The following PDE4D variants were observed in gnomAD, a reference collection of about 807,000 sequenced individuals.
PDE4D encodes 3',5'-cyclic-AMP phosphodiesterase 4D.
PDE4D carries 24 observed loss-of-function variants against 87.4 expected under a neutral mutation model. The ratio of observed to expected loss-of-function variants is 0.27; its 90% confidence interval spans 0.20 to 0.39. The LOEUF is 0.39. Ranked by LOEUF, PDE4D falls within the 10% of genes least tolerant of loss-of-function variation. PDE4D has a pLI of 1.00. For missense variants in PDE4D, 714 were observed against 1,041.0 expected (o/e 0.69, Z 4.32); for synonymous variants, 384 against 383.2 (o/e 1.00, Z -0.02).
intron 1 of PDE4D, among the ~76,000 whole-genome samples, chr5:59,702,785 C>A (rs1752769323): frequency 6.9e-6 from 1 of 144,950 alleles, no homozygotes; most frequent in South Asian, 2.2e-4. Flanking sequence ...GGGAGGATCA[C>A]CTGAGCCAGG....
At chr5:59,879,733 T>G (rs1749154213) in intron 1 of PDE4D, among the ~76,000 whole-genome samples, 1 of 152,098 alleles carries the variant, frequency 6.6e-6, no homozygotes, top group Admixed American at 6.6e-5. Context: ...TATGTTATTG[T>G]TTTTGGGTTT....
At chr5:60,412,153 AG>A (rs1742097415) in intron 1 of PDE4D, among the ~76,000 whole-genome samples, 1 of 152,122 alleles carries the variant, frequency 6.6e-6, no homozygotes, top group South Asian at 2.1e-4. Context: ...TCAGGACAAT[AG>A]GACTACAATT....
At chr5:59,596,218 A>G (rs999408761) in intron 1 of PDE4D, among the ~76,000 whole-genome samples, 6 of 151,016 alleles carry the variant, frequency 4.0e-5, no homozygotes, top group African/African-American at 1.5e-4. Flanking sequence ...ACAAATACAT[A>G]TATTTGTATA....
At chr5:59,945,187 C>T (rs752356688) in intron 3 of PDE4D, among the ~76,000 whole-genome samples, 7 of 152,168 alleles carry the variant, frequency 4.6e-5, no homozygotes, top group Non-Finnish European at 7.3e-5. Flanking sequence ...GTATTCAATA[C>T]TGCATTATTG....
chr5:59,005,021 G>T (rs572848193), intron 6 of PDE4D, among the ~76,000 whole-genome samples: 1 of 152,274 alleles, frequency 6.6e-6, no homozygotes, highest in Non-Finnish European at 1.5e-5. Flanking sequence ...GCCACAAAAA[G>T]ATTGTTGGCT....
At position 59,693,347 on chromosome 5, in the gene PDE4D, T is replaced by C. The variant is rs558672521; in HGVS notation, c.455+199821A>G. Among the ~76,000 whole-genome samples the C allele has an allele frequency of 2.0e-5, 3 of 152,220 alleles. No individual in the cohort carries two copies. In the East Asian group the frequency reaches 5.8e-4, roughly 29 times the overall value. ...CAAAAATAGTCAACATGAAAAGTCT[T>C]TATACCTGCAATGTTTTCCACTGCT... On this transcript the variant is annotated intron_variant, in intron 1 of 14. Transcript: ENST00000340635.
chr5:60,205,241 G>A (rs1005292897), intron 1 of PDE4D, among the ~76,000 whole-genome samples: 2 of 152,170 alleles, frequency 1.3e-5, no homozygotes, highest in African/African-American at 2.4e-5. Flanking sequence ...CTGTCTTCCT[G>A]TGATGGGCCG....
At chr5:59,052,598 A>T (rs1304667475) in intron 5 of PDE4D, among the ~76,000 whole-genome samples, 1 of 152,208 alleles carries the variant, frequency 6.6e-6, no homozygotes, top group African/African-American at 2.4e-5. Flanking sequence ...GTGGTCTACG[A>T]TGACAGTTAC....
intron 1 of PDE4D, among the ~76,000 whole-genome samples, chr5:60,215,225 T>C (rs186182658): frequency 2.6e-5 from 4 of 152,226 alleles, no homozygotes; most frequent in African/African-American, 9.6e-5. Flanking sequence ...AGACATTTGG[T>C]ATCTGGTATA....
intron 1 of PDE4D, among the ~76,000 whole-genome samples, chr5:59,443,857 T>C (rs180741334): frequency 2.6e-5 from 4 of 151,522 alleles, no homozygotes; most frequent in Admixed American, 2.6e-4. Flanking sequence ...ACAATGATGA[T>C]AGAAAATAGG....
chr5:59,863,168 T>C (rs1056370028), intron 1 of PDE4D, among the ~76,000 whole-genome samples: 1 of 152,156 alleles, frequency 6.6e-6, no homozygotes, highest in Non-Finnish European at 1.5e-5. Context: ...TTTTTTAACT[T>C]GAATGACATC....
intron 2 of PDE4D, among the ~76,000 whole-genome samples, chr5:60,143,673 G>GC (rs1479943714): frequency 2.0e-5 from 3 of 149,994 alleles, no homozygotes; most frequent in African/African-American, 7.4e-5. Flanking sequence ...TTTGGGGAGG[G>GC]GGCGGTTAAG....
intron 2 of PDE4D, among the ~76,000 whole-genome samples, chr5:60,071,029 C>G (rs573456033): frequency 4.6e-5 from 7 of 151,714 alleles, no homozygotes; most frequent in African/African-American, 1.7e-4. Context: ...TGTGATTTCT[C>G]TTCTTTCATT....
At chr5:59,649,192 G>C (rs1742962296) in intron 1 of PDE4D, among the ~76,000 whole-genome samples, 1 of 152,194 alleles carries the variant, frequency 6.6e-6, no homozygotes, top group South Asian at 2.1e-4. Flanking sequence ...TCATTAGAAA[G>C]GAAGTTGTGT....
chr5:59,390,038 G>T (rs1263106263), intron 1 of PDE4D, among the ~76,000 whole-genome samples: 1 of 151,982 alleles, frequency 6.6e-6, no homozygotes, highest in African/African-American at 2.4e-5. Flanking sequence ...TGAGGTGATG[G>T]TTATCTTAAA....
At chr5:59,547,535 C>G (rs916603622) in intron 1 of PDE4D, among the ~76,000 whole-genome samples, 1 of 152,074 alleles carries the variant, frequency 6.6e-6, no homozygotes, top group South Asian at 2.1e-4. Flanking sequence ...CAAATTTTGA[C>G]TTTTTTGACA....
intron 2 of PDE4D, among the ~76,000 whole-genome samples, chr5:60,086,016 A>G (rs1774483084): frequency 6.6e-6 from 1 of 152,242 alleles, no homozygotes; most frequent in South Asian, 2.1e-4. Flanking sequence ...TTAATTACTT[A>G]GTAAAAAAAT....
At chr5:59,402,941 C>T (rs1002844239) in intron 1 of PDE4D, among the ~76,000 whole-genome samples, 1 of 152,070 alleles carries the variant, frequency 6.6e-6, no homozygotes, top group Non-Finnish European at 1.5e-5. Flanking sequence ...ATTGTATCAT[C>T]CCTGCAAAGT....
chr5:59,123,104 A>T (rs2153447160), intron 5 of PDE4D, among the ~76,000 whole-genome samples: 1 of 151,736 alleles, frequency 6.6e-6, no homozygotes, highest in Admixed American at 6.6e-5. Context: ...AAGCCGGTAG[A>T]TGTCTCCTTT....
Sources: gnomAD v4.1 joint callset for allele counts (sites outside exome capture counted in the v4.1 genomes callset) on GRCh38, gnomAD v4.1.1 for gene constraint, MANE v1.5 for transcripts, NCBI Gene and HGNC (gene_info 2026-07-23, HGNC 2026-07-21) for gene names.